Variants in CES3 observed in about 807,000 individuals in gnomAD.
CES3 encodes carboxylesterase 3, also known as carboxylesterase 3 (brain).
A neutral mutation model predicts 57.6 loss-of-function variants in CES3; 49 were observed. The ratio of observed to expected loss-of-function variants is 0.85; its 90% confidence interval spans 0.68 to 1.08. The LOEUF (loss-of-function observed/expected upper bound fraction) is 1.08. Among genes scored for constraint, CES3 ranks in the 50% least tolerant of loss-of-function variants. CES3 has a pLI of 0.00. For synonymous variants in CES3, 266 were observed against 281.6 expected (o/e 0.94, Z 0.55); for missense variants, 645 against 742.0 (o/e 0.87, Z 1.52).
At chr16:66,964,208 G>T in intron 4 of CES3, 149 bp from the exon 5 acceptor site, 1 of 1,120,126 alleles carries the variant, frequency 8.9e-7, no homozygotes, top group Non-Finnish European at 1.2e-6. Flanking sequence ...AAGAGCAACA[G>T]GCTGTGGAGA....
chr16:66,963,988 C>T lies in CES3; in HGVS notation c.560+53C>T. 3.1e-6 allele frequency: 5 copies of T among 1,591,384 alleles called. No homozygotes were observed. Among genetic ancestry groups the T allele is most frequent in the Admixed American group, 3.4e-5 (2 of 59,498 alleles). ...TGCCTGCACCGGGGAGAGGCCAGCT[C>T]ACCAGAGCAACTGGGGATCTAGGTT... On this transcript the variant is annotated intron_variant, in intron 4 of 12. Coordinates refer to ENST00000303334, the MANE Select transcript of CES3 (RefSeq NM_024922.6). The surrounding 1 kb of genome is among the most constrained non-coding windows in gnomAD (Gnocchi z 4.9).
In CES3 at chr16:66,971,273, C is replaced by T. The variant is rs751744410; in HGVS notation, c.1245C>T (p.Asp415=). 4 of 1,613,978 alleles carry T rather than the reference C, an allele frequency of 2.5e-6. No individual in the cohort carries two copies. Among genetic ancestry groups the T allele is most frequent in the Admixed American group, 1.7e-5 (1 of 59,982 alleles). ...KCQAFQEFMG[D]VFINVPTVSF... ...AGGCGTTCCAGGAATTCATGGGTGA[C>T]GTATTCATCAATGTTCCCACCGTCA... The change falls in exon 10 of 13, where the codon GAC becomes GAT. Residue 415 remains aspartate, a synonymous_variant. Coordinates refer to ENST00000303334, the MANE Select transcript of CES3 (RefSeq NM_024922.6).
chr16:66,967,812 A>G (rs1963759556), intron 8 of CES3: 6 of 951,218 alleles, frequency 6.3e-6, no homozygotes, highest in Non-Finnish European at 7.5e-6. Context: ...TCCAGGCTGC[A>G]GTGCAGCAGC....
At chr16:66,969,816 A>G in intron 9 of CES3, 57 bp downstream of exon 9, 1 of 1,470,226 alleles carries the variant, frequency 6.8e-7, no homozygotes, top group South Asian at 1.2e-5. Flanking sequence ...GCTAGTGGGT[A>G]TCCCATCCAA....
chr16:66,966,138 T>A, intron 6 of CES3, 106 bp from the exon 7 acceptor site: 1 of 983,334 alleles, frequency 1.0e-6, no homozygotes. Flanking sequence ...ATCTGTGACA[T>A]CACATCCAGC....
chr16:66,967,706 T>C, intron 8 of CES3: 1 of 985,118 alleles, frequency 1.0e-6, no homozygotes, highest in African/African-American at 1.7e-5. Flanking sequence ...TTTTTCGTCT[T>C]GGCCCATTGC....
rs941991538 is a variant in CES3, at chr16:66,973,715, A to T, written c.*666A>T. ...CGCCAGGGGATCCAGCCTAGAGCAG[A>T]CCTTAGCCCCTGACTAAGGCCTCAG... is the stretch of plus-strand genomic sequence containing the variant. On this transcript the variant is annotated 3_prime_UTR_variant, in exon 13 of 13. Transcript: ENST00000303334. 2 of 152,852 alleles carry T rather than the reference A, an allele frequency of 1.3e-5. No homozygotes were observed. Among genetic ancestry groups the T allele is most frequent in the Non-Finnish European group, 2.9e-5 (2 of 68,658 alleles). 9.5% of individuals were successfully genotyped at this position (152,852 alleles called of 1,614,324 possible).
intron 8 of CES3, chr16:66,967,617 C>T: frequency 5.1e-6 from 5 of 985,398 alleles, no homozygotes; most frequent in Non-Finnish European, 6.0e-6. Flanking sequence ...TGCTTTCATC[C>T]CGAGCATCTT....
rs781235401 is a variant in CES3, at chr16:66,963,495, C to T, written c.292C>T (p.Leu98=). 6.2e-7 allele frequency: 1 copy of T among 1,612,062 alleles called. No homozygotes were observed. The highest frequency in any genetic ancestry group is 2.2e-5 in the East Asian group (1 of 44,824). The change falls in exon 3 of 13, where the codon CTA becomes TTA. Residue 98 remains leucine (L), a synonymous_variant. Coordinates refer to ENST00000303334, the MANE Select transcript of CES3 (RefSeq NM_024922.6). This position sits in a 1 kb window ranked among gnomAD's most constrained non-coding sequence, Gnocchi z 4.9. ...RDASTAPPMC[L]QDVESMNSSR... is the part of the protein sequence containing the mutation. Reference sequence around the variant, plus strand: ...CAGGCCCACCCTTGGCCACAGGTGCCTACAAGACGTGGAGAGCATGAACAG... The same window carrying T: ...CAGGCCCACCCTTGGCCACAGGTGCTTACAAGACGTGGAGAGCATGAACAG...
chr16:66,967,438 C>T (rs963166099), intron 8 of CES3: 24 of 932,594 alleles, frequency 2.6e-5, no homozygotes, highest in East Asian at 2.3e-4. Flanking sequence ...CCTGCCTTGG[C>T]GTCTGGTTTA....
rs1963648090 is a variant in CES3 at position 66,961,318 on chromosome 16, C to G, written c.11C>G (p.Ala4Gly). 1 of 1,613,536 alleles carries G rather than the reference C, an allele frequency of 6.2e-7. No homozygotes were observed. The highest frequency in any genetic ancestry group is 1.1e-5 in the South Asian group (1 of 90,962). Residue 4 changes from alanine to glycine, a missense_variant, in exon 1 of 13, where the codon GCA (alanine) becomes GGA (glycine). Transcript: ENST00000303334. MER[A>G]VRVESGVLVG... ...CCAGTTGTAAGGAGAATGGAGAGAG[C>G]AGTGAGAGTGGAGTCCGGGGTCCTG...
At chr16:66,964,804 T>A in intron 6 of CES3, 77 bp downstream of exon 6, 1 of 1,224,252 alleles carries the variant, frequency 8.2e-7, no homozygotes, top group Non-Finnish European at 1.1e-6. Context: ...GGTCTCAGAG[T>A]AGCGGGGTTT....
intron 11 of CES3, 70 bp from the exon 12 acceptor site, chr16:66,972,598 C>T: frequency 6.2e-7 from 1 of 1,611,992 alleles, no homozygotes; most frequent in Admixed American, 1.7e-5. Context: ...CCAGTCAGCA[C>T]TGAGGATCCT....
chr16:66,964,077 C>G (rs1360096598), intron 4 of CES3, 142 bp downstream of exon 4: 2 of 1,300,274 alleles, frequency 1.5e-6, no homozygotes, highest in African/African-American at 1.5e-5. Flanking sequence ...AGGGCACCCC[C>G]CAAGCCTCCA....
At position 66,973,225 on chromosome 16, in the gene CES3, C is replaced by T. The variant is rs1372689867; in HGVS notation, c.*176C>T. On this transcript the variant is annotated 3_prime_UTR_variant, in exon 13 of 13. Coordinates refer to ENST00000303334, the MANE Select transcript of CES3 (RefSeq NM_024922.6). ...TGAAATGTCACAAGGCCGCCTCCCACCTCTGGGGCATTGTACAAGTTCTTC... is the reference window on the plus strand; with the variant it reads ...TGAAATGTCACAAGGCCGCCTCCCATCTCTGGGGCATTGTACAAGTTCTTC... 3 of 618,690 alleles carry T rather than the reference C, an allele frequency of 4.8e-6. No homozygotes were observed. Among genetic ancestry groups the T allele is most frequent in the Non-Finnish European group, 5.7e-6 (2 of 353,922 alleles). 38.3% of individuals were successfully genotyped at this position (618,690 alleles called of 1,614,324 possible).
chr16:66,964,788 C>T, intron 6 of CES3, 61 bp downstream of exon 6: 2 of 1,392,406 alleles, frequency 1.4e-6, no homozygotes. Context: ...TCTGTGCTGG[C>T]CCTGGGGTCT....
Position 66,973,305 on chromosome 16 carries a change from T to C in CES3, c.*256T>C, listed in dbSNP as rs758160510. 5.3e-5 allele frequency: 23 copies of C among 430,410 alleles called. No individual in the cohort carries two copies. Among genetic ancestry groups the C allele is most frequent in the Non-Finnish European group, 8.5e-5 (20 of 236,442 alleles). The allele number at this position is 430,410 out of a possible 1,614,324, so 26.7% of individuals were successfully genotyped here. A position where few individuals can be genotyped will look rare whatever the true frequency, so the allele number is the denominator to read the frequency against. ...TTCGTGGTAGGTTCTAGCACATTCC[T>C]CTAGCTTCCTGGAGGACTCACTCCC... On this transcript the variant is annotated 3_prime_UTR_variant, in exon 13 of 13. Coordinates refer to ENST00000303334, the MANE Select transcript of CES3 (RefSeq NM_024922.6).
intron 9 of CES3, among the ~76,000 whole-genome samples, chr16:66,970,775 C>T (rs1213091108): frequency 6.6e-6 from 1 of 152,220 alleles, no homozygotes; most frequent in Non-Finnish European, 1.5e-5. Context: ...CAGAACCCTT[C>T]CCATTCACGC....
At chr16:66,966,963 G>C (rs1355823090) in intron 8 of CES3, 98 bp downstream of exon 8, 1 of 1,393,784 alleles carries the variant, frequency 7.2e-7, no homozygotes, top group South Asian at 1.3e-5. Context: ...GAGCACTCCC[G>C]TTACTCCCAT....
Sources: allele counts gnomAD v4.1 joint callset (sites outside exome capture counted in the v4.1 genomes callset), GRCh38; gene constraint gnomAD v4.1.1; non-coding constraint Gnocchi (gnomAD v3.1); transcripts MANE v1.5; gene names NCBI Gene and HGNC (gene_info 2026-07-23, HGNC 2026-07-21).